The following CDK7 variants were observed in gnomAD, a reference collection of about 807,000 sequenced individuals.
CDK7 encodes the protein cyclin-dependent kinase 7.
In CDK7, 25 loss-of-function variants were observed where a neutral mutation model predicts 49.1. The observed-to-expected ratio is 0.51, with a 90% CI of 0.37 to 0.71. The LOEUF (loss-of-function observed/expected upper bound fraction) is 0.71, where lower values mean the gene tolerates loss of function less well. Ranked by LOEUF, CDK7 falls within the 30% of genes least tolerant of loss-of-function variation. The probability of loss-of-function intolerance (pLI) is 0.00; values close to 1 mark genes in which losing one functional copy is unlikely to be tolerated. For missense variants in CDK7, 316 were observed against 411.7 expected, an observed-to-expected ratio of 0.77 and a Z score of 2.01; for synonymous variants, 107 against 140.0, an observed-to-expected ratio of 0.76 and a Z score of 1.67.
At chr5:69,256,758 C>A (rs1414022464) in intron 5 of CDK7, among the ~76,000 whole-genome samples, 1 of 151,858 alleles carries the variant, frequency 6.6e-6, no homozygotes, top group Non-Finnish European at 1.5e-5. Flanking sequence ...TGGTATTGAT[C>A]CTGGAAGGAC....
chr5:69,252,863 A>C (rs1260996354), intron 3 of CDK7, among the ~76,000 whole-genome samples: 2 of 152,094 alleles, frequency 1.3e-5, no homozygotes, highest in Non-Finnish European at 2.9e-5. Context: ...ATAAGTTAGT[A>C]ATGGTTCTGG....
intron 9 of CDK7, among the ~76,000 whole-genome samples, chr5:69,270,066 CAAAAAAAA>C (rs768838177): frequency 1.5e-5 from 1 of 65,584 alleles, no homozygotes; most frequent in African/African-American, 5.4e-5. Flanking sequence ...ACTCTGTCTC[CAAAAAAAA>C]AAAAAAAAAA....
At chr5:69,259,338 C>T (rs1358237342) in intron 6 of CDK7, among the ~76,000 whole-genome samples, 1 of 152,058 alleles carries the variant, frequency 6.6e-6, no homozygotes, top group Non-Finnish European at 1.5e-5. Flanking sequence ...AGATAAGTAG[C>T]TAAGAATATA....
At position 69,277,334 on chromosome 5, in the gene CDK7, C is replaced by A. The variant is rs1752251069; in HGVS notation, c.*199C>A. ...AATTCTGGTTTTTCTGATTAGAGTG[C>A]AAAAGTGAGAAAAGTTCAATACTCT... On this transcript the variant is annotated 3_prime_UTR_variant, in exon 12 of 12. Coordinates refer to ENST00000256443, the MANE Select transcript of CDK7 (RefSeq NM_001799.4). The A allele has an allele frequency of 2.4e-6, 1 of 425,048 alleles. No homozygotes were observed. Among genetic ancestry groups the A allele is most frequent in the Non-Finnish European group, 4.2e-6 (1 of 236,320 alleles). 26.3% of individuals were successfully genotyped at this position (425,048 alleles called of 1,614,324 possible). A position where few individuals can be genotyped will look rare whatever the true frequency, so the allele number is the denominator to read the frequency against.
In CDK7 at chr5:69,268,375, T is replaced by C. The variant is rs181845483; in HGVS notation, c.628-832T>C. Among the ~76,000 whole-genome samples, 4 of 152,326 alleles carry C rather than the reference T, an allele frequency of 2.6e-5. No individual in the cohort carries two copies. In the East Asian group the frequency reaches 5.8e-4, roughly 22 times the overall value. ...CTGAGGCTTAGCACAAGGCCTGTTA[T>C]ATGGGAAGTGTTTATTAAAATTTGG... On this transcript the variant is annotated intron_variant, in intron 8 of 11. Transcript: ENST00000256443.
At chr5:69,267,204 G>A (rs1751212963) in intron 8 of CDK7, among the ~76,000 whole-genome samples, 1 of 148,694 alleles carries the variant, frequency 6.7e-6, no homozygotes, top group Admixed American at 6.7e-5. Context: ...CATTTTATCA[G>A]TACTCTCCCA....
At position 69,276,507 on chromosome 5, in the gene CDK7, C is replaced by T. The variant is rs747833183; in HGVS notation, c.865-36C>T. ...TTTTCCTTAACACATTTCAGATACT[C>T]ACCTACCTTACTTTTGGTATCTTTT... On this transcript the variant is annotated intron_variant, in intron 10 of 11. Coordinates refer to ENST00000256443, the MANE Select transcript of CDK7 (RefSeq NM_001799.4). The T allele has an allele frequency of 4.4e-6, 7 of 1,596,994 alleles. No homozygotes were observed. The Admixed American group carries it at 1.2e-4, about 27-fold the overall frequency.
chr5:69,257,513 GTA>G (rs1484222800), intron 5 of CDK7, among the ~76,000 whole-genome samples: 3 of 152,120 alleles, frequency 2.0e-5, no homozygotes, highest in Admixed American at 6.5e-5. Context: ...ATGCTTCTAG[GTA>G]TATGTTTGTA....
At chr5:69,235,524 T>C (rs561889379) in intron 2 of CDK7, 71 bp downstream of exon 2, 59 of 997,996 alleles carry the variant, frequency 5.9e-5, no homozygotes, top group Non-Finnish European at 8.7e-5. Flanking sequence ...CTGATAGCCA[T>C]TTTATTAGTC....
intron 5 of CDK7, among the ~76,000 whole-genome samples, chr5:69,256,309 A>G (rs1455206541): frequency 1.3e-5 from 2 of 152,108 alleles, no homozygotes; most frequent in Non-Finnish European, 2.9e-5. Context: ...ATATAATCAG[A>G]GTAATGTCAT....
At chr5:69,248,839 T>C (rs550009267) in intron 2 of CDK7, among the ~76,000 whole-genome samples, 90 of 150,138 alleles carry the variant, frequency 6.0e-4, no homozygotes, top group African/African-American at 2.1e-3. Flanking sequence ...GTCTTGTTTT[T>C]CTTGCCCAGG....
At chr5:69,255,402 G>T (rs1480365489) in intron 4 of CDK7, 58 bp from the exon 5 acceptor site, 3 of 952,384 alleles carry the variant, frequency 3.1e-6, no homozygotes, top group East Asian at 2.4e-5. Context: ...TGCCTCAGTT[G>T]CTATGATACT....
At chr5:69,276,822 T>A in intron 11 of CDK7, 132 bp downstream of exon 11, 1 of 832,750 alleles carries the variant, frequency 1.2e-6, no homozygotes, top group Non-Finnish European at 1.9e-6. Context: ...TTTAATTGTA[T>A]AAAGTAGAGA....
At chr5:69,235,967 G>A (rs1312372593) in intron 2 of CDK7, among the ~76,000 whole-genome samples, 2 of 152,164 alleles carry the variant, frequency 1.3e-5, no homozygotes, top group Non-Finnish European at 2.9e-5. Context: ...CGGGCCAGCC[G>A]CGGTGGCTCA....
In CDK7 at chr5:69,235,430, A is replaced by T. The variant is rs551300728; in HGVS notation, c.103A>T (p.Asn35Tyr). The change falls in exon 2 of 12, where the codon AAC becomes TAC. Residue 35 changes from asparagine to tyrosine, a missense_variant. Asn to Tyr is a moderately radical substitution (Grantham distance 143). Coordinates refer to ENST00000256443, the MANE Select transcript of CDK7 (RefSeq NM_001799.4). The stretch of plus-strand genomic sequence containing the variant: ...TTACAAGGCCAGAGATAAGAACACC[A>T]ACCAAATTGTCGCCATTAAGAAAGT... Reference protein sequence around the residue: ...TVYKARDKNTNQIVAIKKIKL... With the variant: ...TVYKARDKNTYQIVAIKKIKL... 3.1e-6 allele frequency: 5 copies of T among 1,603,202 alleles called. No homozygotes were observed. The highest frequency in any genetic ancestry group is 1.3e-5 in the African/African-American group (1 of 74,550).
intron 3 of CDK7, 58 bp downstream of exon 3, chr5:69,252,509 T>C (rs1750214632): frequency 3.3e-6 from 3 of 906,322 alleles, no homozygotes; most frequent in East Asian, 5.6e-5. Context: ...TTTTTTTTTT[T>C]TTTTTTTTTT....
chr5:69,250,261 G>A (rs1750052026), intron 2 of CDK7, among the ~76,000 whole-genome samples: 1 of 152,140 alleles, frequency 6.6e-6, no homozygotes, highest in Non-Finnish European at 1.5e-5. Context: ...TGCAATCTAT[G>A]TCTTTGGTCA....
intron 2 of CDK7, among the ~76,000 whole-genome samples, chr5:69,238,621 G>A (rs1749163016): frequency 6.7e-6 from 1 of 150,034 alleles, no homozygotes; most frequent in Admixed American, 6.7e-5. Context: ...ATGTATATTT[G>A]GCATATTCTT....
At chr5:69,267,654 CATTA>C (rs1751252423) in intron 8 of CDK7, among the ~76,000 whole-genome samples, 1 of 150,574 alleles carries the variant, frequency 6.6e-6, no homozygotes, top group African/African-American at 2.4e-5. Context: ...AAAAAGTGAA[CATTA>C]ATTCCTTAAT....
Sources: allele counts gnomAD v4.1 joint callset (sites outside exome capture counted in the v4.1 genomes callset), GRCh38; gene constraint gnomAD v4.1.1; transcripts MANE v1.5; gene names NCBI Gene and HGNC (gene_info 2026-07-23, HGNC 2026-07-21).